SORCS2: variants seen among roughly 807,000 people sequenced by gnomAD.
SORCS2 encodes the protein VPS10 domain-containing receptor SorCS2.
In SORCS2, 100 loss-of-function variants were observed where a neutral mutation model predicts 141.6. The ratio of observed to expected loss-of-function variants is 0.71; its 90% CI spans 0.60 to 0.83. The LOEUF is 0.83. Among genes scored for constraint, SORCS2 ranks in the 40% least tolerant of loss-of-function variants. The pLI, the probability that SORCS2 is intolerant of heterozygous loss-of-function variation, is 0.00. For synonymous variants in SORCS2, 789 were observed against 676.9 expected (o/e 1.17, Z -2.57); for missense variants, 1,646 against 1,560.2 (o/e 1.05, Z -0.93).
intron 12 of SORCS2, among the ~76,000 whole-genome samples, chr4:7,702,546 C>T (rs1002896734): frequency 1.1e-4 from 17 of 152,236 alleles, no homozygotes; most frequent in Non-Finnish European, 1.5e-5. Context: ...CCTCAGTGTC[C>T]CCTCCCGGGT....
intron 2 of SORCS2, among the ~76,000 whole-genome samples, chr4:7,401,613 C>T (rs1173294224): frequency 1.3e-5 from 2 of 152,180 alleles, no homozygotes; most frequent in African/African-American, 4.8e-5. Context: ...AGGGATCACC[C>T]TTGCTTCACA....
intron 3 of SORCS2, among the ~76,000 whole-genome samples, chr4:7,633,804 C>T (rs61650368): frequency 0.42 from 30,939 of 73,634 alleles, 9,900 homozygotes; most frequent in East Asian, 0.97. Context: ...GTCCGTCAGG[C>T]GGGATTAACG....
intron 1 of SORCS2, among the ~76,000 whole-genome samples, chr4:7,244,155 G>A (rs1436401437): frequency 6.6e-6 from 1 of 152,196 alleles, no homozygotes; most frequent in Non-Finnish European, 1.5e-5. Flanking sequence ...GGGAACAGGG[G>A]CTGTGCTCCT....
chr4:7,265,473 G>C (rs1360307696), intron 1 of SORCS2, among the ~76,000 whole-genome samples: 7 of 151,558 alleles, frequency 4.6e-5, no homozygotes, highest in Admixed American at 3.9e-4. Flanking sequence ...CCTGGTGACA[G>C]AGTGAGACTC....
chr4:7,351,104 C>T (rs986368918), intron 1 of SORCS2, among the ~76,000 whole-genome samples: 11 of 152,212 alleles, frequency 7.2e-5, no homozygotes, highest in South Asian at 2.1e-4. Context: ...GACCAACACA[C>T]GCTACACGCC....
chr4:7,632,709 T>C (rs1719973345), intron 3 of SORCS2, among the ~76,000 whole-genome samples: 1 of 152,138 alleles, frequency 6.6e-6, no homozygotes, highest in Admixed American at 6.5e-5. Flanking sequence ...TGTGTGTGAA[T>C]AACACCAATG....
At chr4:7,549,950 A>G (rs1286688047) in intron 3 of SORCS2, among the ~76,000 whole-genome samples, 3 of 152,174 alleles carry the variant, frequency 2.0e-5, no homozygotes, top group East Asian at 1.9e-4. Flanking sequence ...GCAGAGGGAG[A>G]TGAGTTCTCA....
intron 3 of SORCS2, among the ~76,000 whole-genome samples, chr4:7,583,719 C>A (rs1716336132): frequency 6.6e-6 from 1 of 152,218 alleles, no homozygotes; most frequent in South Asian, 2.1e-4. Context: ...GTGAGGCTTC[C>A]CCAGCCACAT....
chr4:7,511,459 GAT>G (rs1180668815), intron 2 of SORCS2, among the ~76,000 whole-genome samples: 1 of 95,756 alleles, frequency 1.0e-5, no homozygotes, highest in Non-Finnish European at 2.4e-5. Flanking sequence ...CACACACACA[GAT>G]ACACACACAA....
At position 7,433,287 on chromosome 4, in the gene SORCS2, C is replaced by T. The variant is rs921090710; in HGVS notation, c.548+36932C>T. The T allele has an allele frequency of 2.9e-6, 4 of 1,356,096 alleles. No homozygotes were observed. In the Admixed American group the frequency reaches 1.1e-4, roughly 36 times the overall value. 84.0% of individuals were successfully genotyped at this position (1,356,096 alleles called of 1,614,324 possible). On this transcript the variant is annotated intron_variant, in intron 2 of 26. Coordinates refer to ENST00000507866, the MANE Select transcript of SORCS2 (RefSeq NM_020777.3). ...GCACCCACCTCATGGGCCTCGCTAG[C>T]AGGCTCTGGGTCTCTGGCAGCCACG...
At chr4:7,549,587 T>A (rs1311176041) in intron 3 of SORCS2, among the ~76,000 whole-genome samples, 1 of 152,184 alleles carries the variant, frequency 6.6e-6, no homozygotes, top group Non-Finnish European at 1.5e-5. Flanking sequence ...GACTCTGTGT[T>A]CTTATTGGGA....
At chr4:7,377,928 C>T (rs1367707247) in intron 1 of SORCS2, among the ~76,000 whole-genome samples, 1 of 152,232 alleles carries the variant, frequency 6.6e-6, no homozygotes, top group Non-Finnish European at 1.5e-5. Flanking sequence ...AATTAGATTT[C>T]AGAAATGAAG....
chr4:7,434,914 G>A (rs941837290), intron 2 of SORCS2: 1 of 1,496,056 alleles, frequency 6.7e-7, no homozygotes, highest in Non-Finnish European at 8.9e-7. Context: ...AGAGTACCCA[G>A]CAGTGGCTGC....
At chr4:7,582,776 A>G (rs2108761413) in intron 3 of SORCS2, among the ~76,000 whole-genome samples, 1 of 152,238 alleles carries the variant, frequency 6.6e-6, no homozygotes, top group South Asian at 2.1e-4. Flanking sequence ...GTCTGCCCCT[A>G]TTTGAATGCC....
chr4:7,378,243 T>G (rs1722776671), intron 1 of SORCS2, among the ~76,000 whole-genome samples: 1 of 152,198 alleles, frequency 6.6e-6, no homozygotes, highest in Admixed American at 6.5e-5. Flanking sequence ...TTGACTCCAT[T>G]GCTTCTCTTC....
rs1038806666 is a variant in SORCS2, at chr4:7,431,563, G to A, written c.548+35208G>A. 4 of 152,336 alleles carry A rather than the reference G, an allele frequency of 2.6e-5. No individual in the cohort carries two copies. The East Asian group carries it at 5.8e-4, about 22-fold the overall frequency. The allele number at this position is 152,336 out of a possible 1,614,324, so 9.4% of individuals were successfully genotyped here. A position where few individuals can be genotyped will look rare whatever the true frequency, so the allele number is the denominator to read the frequency against. ...AGCCTCTGGGGCTGCTCCTGGAGAG[G>A]GTGGGTGGTCTCAGGGGAAGAGGCA... On this transcript the variant is annotated intron_variant, in intron 2 of 26. Transcript: ENST00000507866.
intron 1 of SORCS2, among the ~76,000 whole-genome samples, chr4:7,289,346 G>A (rs1055184329): frequency 1.6e-4 from 25 of 152,162 alleles, no homozygotes; most frequent in African/African-American, 6.0e-4. Flanking sequence ...TTCACAGCTT[G>A]GAGCCCACTG....
chr4:7,513,299 C>G (rs10028552), intron 2 of SORCS2, among the ~76,000 whole-genome samples: 1 of 152,192 alleles, frequency 6.6e-6, no homozygotes, highest in Non-Finnish European at 1.5e-5. Context: ...AGCCACAGCC[C>G]CCTGGCTCAC....
At chr4:7,218,349 A>G (rs960144625) in intron 1 of SORCS2, among the ~76,000 whole-genome samples, 3 of 152,216 alleles carry the variant, frequency 2.0e-5, no homozygotes, top group African/African-American at 4.8e-5. Flanking sequence ...CATAAAGGAA[A>G]TTAGTTTCAG....
Sources: gnomAD v4.1 joint callset for allele counts (sites outside exome capture counted in the v4.1 genomes callset) on GRCh38, gnomAD v4.1.1 for gene constraint, MANE v1.5 for transcripts, NCBI Gene and HGNC (gene_info 2026-07-23, HGNC 2026-07-21) for gene names.